CNOT4: variants seen among roughly 807,000 people sequenced by gnomAD.
CNOT4 encodes CCR4-associated factor 4.
Under a neutral mutation model 73.8 loss-of-function variants are expected in CNOT4, and 8 were observed. The observed-to-expected ratio is 0.11, with a 90% CI of 0.06 to 0.20. The LOEUF (loss-of-function observed/expected upper bound fraction) is 0.20, where lower values mean the gene tolerates loss of function less well. Ranked by LOEUF, CNOT4 falls within the 10% of genes least tolerant of loss-of-function variation. The pLI is 1.00. For synonymous variants in CNOT4, 293 were observed against 321.1 expected, an observed-to-expected ratio of 0.91 and a Z score of 0.94; for missense variants, 564 against 883.4, an observed-to-expected ratio of 0.64 and a Z score of 4.58.
At chr7:135,389,898 T>G (rs1007482506) in intron 10 of CNOT4, among the ~76,000 whole-genome samples, 2 of 151,974 alleles carry the variant, frequency 1.3e-5, no homozygotes, top group Admixed American at 6.6e-5. Context: ...ATATAACAGG[T>G]GATTTTGTAG....
intron 1 of CNOT4, among the ~76,000 whole-genome samples, chr7:135,477,178 G>A (rs530119535): frequency 6.6e-5 from 10 of 151,544 alleles, no homozygotes; most frequent in South Asian, 6.3e-4. Flanking sequence ...CCCCGTCTCC[G>A]TTAAAAATAC....
chr7:135,431,155 T>G (rs1474146554), intron 2 of CNOT4, among the ~76,000 whole-genome samples: 1 of 151,832 alleles, frequency 6.6e-6, no homozygotes, highest in Admixed American at 6.6e-5. Flanking sequence ...GTCCCACCTA[T>G]TGGGAAGGCT....
At chr7:135,375,039 T>G (rs1409276449) in intron 10 of CNOT4, among the ~76,000 whole-genome samples, 1 of 152,220 alleles carries the variant, frequency 6.6e-6, no homozygotes, top group African/African-American at 2.4e-5. Context: ...CCACTCTGCT[T>G]CTCATTTATA....
intron 2 of CNOT4, among the ~76,000 whole-genome samples, chr7:135,426,743 T>C (rs1359859336): frequency 6.6e-6 from 1 of 151,852 alleles, no homozygotes; most frequent in Non-Finnish European, 1.5e-5. Flanking sequence ...GCCAACATGG[T>C]GAAACCCTGT....
intron 10 of CNOT4, among the ~76,000 whole-genome samples, chr7:135,389,234 A>G (rs1183230576): frequency 6.6e-6 from 1 of 151,538 alleles, no homozygotes; most frequent in East Asian, 1.9e-4. Flanking sequence ...TACTCCTAGT[A>G]AATGGTAAAT....
chr7:135,370,688 G>C (rs1358494802), intron 10 of CNOT4, among the ~76,000 whole-genome samples: 1 of 152,224 alleles, frequency 6.6e-6, no homozygotes, highest in East Asian at 1.9e-4. Flanking sequence ...TTGAGGGTCT[G>C]ACTTGAGAAG....
chr7:135,480,816 A>G (rs1227395481), intron 1 of CNOT4, among the ~76,000 whole-genome samples: 1 of 151,894 alleles, frequency 6.6e-6, no homozygotes, highest in African/African-American at 2.4e-5. Flanking sequence ...CTAATTTTCA[A>G]TATAAGTGCC....
rs556778700 is a variant in CNOT4 at position 135,490,690 on chromosome 7, G to C, written c.-93+19199C>G. The stretch of plus-strand genomic sequence containing the variant: ...AAGCCTGCCTTAAATGTGCCTTCAA[G>C]GCTGACATGATTTAGTAAAATATCA... On this transcript the variant is annotated intron_variant, in intron 1 of 11. Transcript: ENST00000541284. Among the ~76,000 whole-genome samples, 14 of 152,310 alleles carry C rather than the reference G, an allele frequency of 9.2e-5. No individual in the cohort carries two copies. In the South Asian group the frequency reaches 2.9e-3, roughly 32 times the overall value.
intron 1 of CNOT4, among the ~76,000 whole-genome samples, chr7:135,446,256 C>T (rs776021845): frequency 1.1e-4 from 17 of 151,968 alleles, no homozygotes; most frequent in Non-Finnish European, 1.3e-4. Flanking sequence ...TACTAGGGGG[C>T]TGGGGGAGAA....
intron 1 of CNOT4, among the ~76,000 whole-genome samples, chr7:135,483,534 C>A (rs909642225): frequency 1.3e-5 from 2 of 151,586 alleles, no homozygotes; most frequent in African/African-American, 2.4e-5. Context: ...TTAAAAAAAA[C>A]TCCAAGCAGG....
Position 135,394,246 on chromosome 7 carries a change from G to A in CNOT4, c.1299C>T (p.Pro433=). ...GTGAAGAGGAGTTCTGAAGAGATGTGGGCGAAAGGGAAGGTTGGTCTTGAA... is the reference window on the plus strand; with the variant it reads ...GTGAAGAGGAGTTCTGAAGAGATGTAGGCGAAAGGGAAGGTTGGTCTTGAA... ...LSVQDQPSLS[P]TSLQNSSSHT... The change falls in exon 10 of 12, where the codon CCC becomes CCT. Residue 433 remains proline (P), a synonymous_variant. Transcript: ENST00000541284. 1 of 1,614,130 alleles carries A rather than the reference G, an allele frequency of 6.2e-7. No homozygotes were observed. Among genetic ancestry groups the A allele is most frequent in the South Asian group, 1.1e-5 (1 of 91,082 alleles).
At chr7:135,456,372 C>T (rs79240801) in intron 1 of CNOT4, among the ~76,000 whole-genome samples, 3,466 of 151,172 alleles carry the variant, frequency 0.023, 125 homozygotes, top group African/African-American at 0.07. Flanking sequence ...AACCTCACAA[C>T]TGATCATAAG....
At chr7:135,488,337 G>C (rs1478652203) in intron 1 of CNOT4, among the ~76,000 whole-genome samples, 3 of 152,120 alleles carry the variant, frequency 2.0e-5, no homozygotes, top group Non-Finnish European at 4.4e-5. Flanking sequence ...CCTGAGGCAA[G>C]ACAATCGTAC....
At chr7:135,495,714 G>A (rs200647234) in intron 1 of CNOT4, among the ~76,000 whole-genome samples, 12 of 60,556 alleles carry the variant, frequency 2.0e-4, no homozygotes, top group East Asian at 9.3e-4. Flanking sequence ...AAGAAAGAAA[G>A]AAAGAAAGAA....
chr7:135,460,828 C>G (rs11972657), intron 1 of CNOT4, among the ~76,000 whole-genome samples: 5,017 of 152,260 alleles, frequency 0.033, 114 homozygotes, highest in Middle Eastern at 0.078. Flanking sequence ...AGGCAACTTA[C>G]GCCTGTAATT....
chr7:135,395,980 T>G lies in CNOT4; in HGVS notation c.880-97A>C, dbSNP rs190108274. ...CAACTAAATGTATTAGAATAGTGTT[T>G]CACAAACTGGTACTTGAAGATGTTT... is the stretch of plus-strand genomic sequence containing the variant. On this transcript the variant is annotated intron_variant, in intron 8 of 11. Transcript: ENST00000541284. The G allele has an allele frequency of 7.3e-5, 54 of 740,832 alleles. No individual in the cohort carries two copies. In the East Asian group the frequency reaches 1.4e-3, roughly 19 times the overall value. The allele number at this position is 740,832 out of a possible 1,614,324, so 45.9% of individuals were successfully genotyped here.
chr7:135,366,464 A>C (rs906796693), intron 10 of CNOT4, among the ~76,000 whole-genome samples: 4 of 152,228 alleles, frequency 2.6e-5, no homozygotes, highest in Non-Finnish European at 5.9e-5. Flanking sequence ...TAATCAAATC[A>C]AGCAAGGGTA....
At chr7:135,473,069 A>T (rs1030380817) in intron 1 of CNOT4, among the ~76,000 whole-genome samples, 1 of 152,090 alleles carries the variant, frequency 6.6e-6, no homozygotes, top group Non-Finnish European at 1.5e-5. Context: ...TTATAGTCTT[A>T]CTGACATTAA....
chr7:135,478,785 T>C (rs1256955499), intron 1 of CNOT4, among the ~76,000 whole-genome samples: 1 of 152,088 alleles, frequency 6.6e-6, no homozygotes, highest in Non-Finnish European at 1.5e-5. Context: ...CCAATATAAA[T>C]AGCTGTAAAC....
Sources: allele counts gnomAD v4.1 joint callset (sites outside exome capture counted in the v4.1 genomes callset), GRCh38; gene constraint gnomAD v4.1.1; transcripts MANE v1.5; gene names NCBI Gene and HGNC (gene_info 2026-07-23, HGNC 2026-07-21).